STK39: variants seen among roughly 807,000 people sequenced by gnomAD.
STK39 encodes the protein STE20/SPS1-related proline-alanine-rich protein kinase.
STK39 carries 20 observed loss-of-function variants against 77.8 expected under a neutral mutation model. The ratio of observed to expected loss-of-function variants is 0.26; its 90% confidence interval spans 0.18 to 0.37. The LOEUF (loss-of-function observed/expected upper bound fraction) is 0.37. Among genes scored for constraint, STK39 ranks in the 10% least tolerant of loss-of-function variants. The pLI is 1.00. For missense variants in STK39, 479 were observed against 656.5 expected (o/e 0.73, Z 2.95); for synonymous variants, 246 against 234.1 (o/e 1.05, Z -0.47).
At chr2:168,231,574 ACTC>A (rs1690456456) in intron 1 of STK39, among the ~76,000 whole-genome samples, 1 of 151,532 alleles carries the variant, frequency 6.6e-6, no homozygotes. Context: ...TTCACAGTCA[ACTC>A]CTCAAGCAGA....
rs374520990 is a variant in STK39, at chr2:168,002,688, G to C, written c.1498+9946C>G. Among the ~76,000 whole-genome samples, 6 of 152,188 alleles carry C rather than the reference G, an allele frequency of 3.9e-5. No homozygotes were observed. In the East Asian group the frequency reaches 5.8e-4, roughly 15 times the overall value. ...TATCAGATTTAAAAAATGATATTCTGTCAAAGCAAGAATTCTATGCATTTT... is the reference window on the plus strand; with the variant it reads ...TATCAGATTTAAAAAATGATATTCTCTCAAAGCAAGAATTCTATGCATTTT... On this transcript the variant is annotated intron_variant, in intron 16 of 17. Transcript: ENST00000355999.
intron 16 of STK39, among the ~76,000 whole-genome samples, chr2:167,980,106 C>T (rs997384099): frequency 6.6e-6 from 1 of 152,202 alleles, no homozygotes; most frequent in Non-Finnish European, 1.5e-5. Context: ...GCTAGTACTA[C>T]AAATTAAAAC....
rs1684428293 is a variant in STK39, at chr2:168,017,026, C to T, written c.1429+17G>A. The T allele has an allele frequency of 1.9e-6, 3 of 1,588,122 alleles. No individual in the cohort carries two copies. Among genetic ancestry groups the T allele is most frequent in the Non-Finnish European group, 2.6e-6 (3 of 1,165,752 alleles). ...GCTCTTTGAGGCAATAAAATAATAACTTCAATTAAAACTTACCTCTTCCTG... is the reference window on the plus strand; with the variant it reads ...GCTCTTTGAGGCAATAAAATAATAATTTCAATTAAAACTTACCTCTTCCTG... On this transcript the variant is annotated intron_variant, in intron 15 of 17. Coordinates refer to ENST00000355999, the MANE Select transcript of STK39 (RefSeq NM_013233.3).
At chr2:168,142,386 T>C (rs976195131) in intron 5 of STK39, among the ~76,000 whole-genome samples, 3 of 152,082 alleles carry the variant, frequency 2.0e-5, no homozygotes, top group Non-Finnish European at 2.9e-5. Flanking sequence ...TTTATTAAAA[T>C]GATTTTATAA....
chr2:167,964,455 C>G (rs1353318408), intron 17 of STK39: 4 of 515,188 alleles, frequency 7.8e-6, no homozygotes, highest in Non-Finnish European at 1.4e-5. Flanking sequence ...TAAGAAAAAG[C>G]TATGCTCATA....
intron 14 of STK39, among the ~76,000 whole-genome samples, chr2:168,048,898 A>G (rs1241541626): frequency 6.6e-6 from 1 of 152,202 alleles, no homozygotes; most frequent in Non-Finnish European, 1.5e-5. Context: ...TACCCTCAAC[A>G]GCGTCACACA....
intron 5 of STK39, among the ~76,000 whole-genome samples, chr2:168,155,301 T>C (rs977169365): frequency 1.3e-5 from 2 of 152,202 alleles, no homozygotes; most frequent in Non-Finnish European, 2.9e-5. Context: ...TTCTCACTGA[T>C]GGTGTGCAGC....
intron 14 of STK39, among the ~76,000 whole-genome samples, chr2:168,054,926 A>G (rs1574425516): frequency 6.6e-6 from 1 of 152,216 alleles, no homozygotes; most frequent in Non-Finnish European, 1.5e-5. Context: ...TACTGCATTT[A>G]TCACCTTCTA....
chr2:168,090,973 C>T (rs1686505770), intron 10 of STK39, among the ~76,000 whole-genome samples: 1 of 152,018 alleles, frequency 6.6e-6, no homozygotes, highest in African/African-American at 2.4e-5. Context: ...ATAGATGGGC[C>T]CATCTGCCTC....
intron 16 of STK39, among the ~76,000 whole-genome samples, chr2:167,999,762 C>T (rs529772027): frequency 2.0e-5 from 3 of 152,216 alleles, no homozygotes; most frequent in South Asian, 4.1e-4. Flanking sequence ...GCGCCCGGCC[C>T]GAGATGCTTG....
At chr2:168,069,484 T>C (rs1265309905) in intron 12 of STK39, among the ~76,000 whole-genome samples, 3 of 152,242 alleles carry the variant, frequency 2.0e-5, no homozygotes, top group Non-Finnish European at 4.4e-5. Flanking sequence ...GCCAGAAACC[T>C]TTCCCACCTG....
chr2:168,033,337 G>A (rs1684874149), intron 14 of STK39, among the ~76,000 whole-genome samples: 1 of 152,160 alleles, frequency 6.6e-6, no homozygotes, highest in African/African-American at 2.4e-5. Flanking sequence ...ATCGCATTAG[G>A]ACAAAATCTA....
intron 1 of STK39, among the ~76,000 whole-genome samples, chr2:168,235,036 A>G (rs892806348): frequency 2.1e-5 from 3 of 141,320 alleles, no homozygotes; most frequent in Non-Finnish European, 3.2e-5. Context: ...TATTGAGTCA[A>G]TAATTTTTTT....
At chr2:168,071,206 T>C (rs1685931510) in intron 12 of STK39, among the ~76,000 whole-genome samples, 1 of 152,208 alleles carries the variant, frequency 6.6e-6, no homozygotes, top group Admixed American at 6.5e-5. Flanking sequence ...TTCTGATCCC[T>C]TGAATCACTT....
At chr2:168,070,801 T>A (rs565029505) in intron 12 of STK39, among the ~76,000 whole-genome samples, 11 of 152,134 alleles carry the variant, frequency 7.2e-5, no homozygotes, top group Non-Finnish European at 1.6e-4. Context: ...ACTTTGATAT[T>A]TCTAAAATAT....
rs546382655 is a variant in STK39 at position 168,168,113 on chromosome 2, T to C, written c.322-706A>G. On this transcript the variant is annotated intron_variant, in intron 2 of 17. Coordinates refer to ENST00000355999, the MANE Select transcript of STK39 (RefSeq NM_013233.3). ...TCCTGCAGTAGATAAACTGCCATAG[T>C]TTAATCCATATTAACAGAGCAGGAA... Among the ~76,000 whole-genome samples, 29 of 152,312 alleles carry C rather than the reference T, an allele frequency of 1.9e-4. No homozygotes were observed. In the South Asian group the frequency reaches 3.1e-3, roughly 16 times the overall value.
At chr2:168,026,084 T>C (rs1684691318) in intron 14 of STK39, among the ~76,000 whole-genome samples, 1 of 152,238 alleles carries the variant, frequency 6.6e-6, no homozygotes, top group African/African-American at 2.4e-5. Context: ...TAAGCCATTA[T>C]TAGGCCTCAT....
chr2:168,140,679 T>C lies in STK39; in HGVS notation c.708A>G (p.Pro236=). The C allele has an allele frequency of 3.7e-6, 6 of 1,612,214 alleles. No homozygotes were observed. The highest frequency in any genetic ancestry group is 4.2e-6 in the Non-Finnish European group (5 of 1,178,598). ...CCATGACTTCAGGAGCCATCCAACA[T>C]GGGGTGCCAACGAATGTTTTTCTTA... ...NKVRKTFVGT[P]CWMAPEVMEQ... is the part of the protein sequence containing the mutation. The change falls in exon 6 of 18, where the codon CCA becomes CCG. Residue 236 remains proline, a synonymous_variant. Coordinates refer to ENST00000355999, the MANE Select transcript of STK39 (RefSeq NM_013233.3).
chr2:167,977,542 G>A (rs1272100569), intron 16 of STK39, among the ~76,000 whole-genome samples: 1 of 148,426 alleles, frequency 6.7e-6, no homozygotes, highest in Non-Finnish European at 1.5e-5. Flanking sequence ...ATTCATCTGA[G>A]TTGAAGGTAA....
Sources: gnomAD v4.1 joint callset for allele counts (sites outside exome capture counted in the v4.1 genomes callset) on GRCh38, gnomAD v4.1.1 for gene constraint, MANE v1.5 for transcripts, NCBI Gene and HGNC (gene_info 2026-07-23, HGNC 2026-07-21) for gene names.